TOP1: variants seen among roughly 807,000 people sequenced by gnomAD.
The protein encoded by TOP1 is DNA topoisomerase 1.
Under a neutral mutation model 111.1 loss-of-function variants are expected in TOP1, and 10 were observed. The observed-to-expected ratio is 0.09, with a 90% CI of 0.06 to 0.15. The LOEUF is 0.15. Ranked by LOEUF, TOP1 falls within the 10% of genes least tolerant of loss-of-function variation. The pLI is 1.00. For synonymous variants in TOP1, 271 were observed against 302.9 expected (o/e 0.89, Z 1.10); for missense variants, 474 against 926.7 (o/e 0.51, Z 6.34).
chr20:41,045,475 C>G (rs935020487), intron 2 of TOP1, among the ~76,000 whole-genome samples: 1 of 152,158 alleles, frequency 6.6e-6, no homozygotes, highest in Non-Finnish European at 1.5e-5. Context: ...TATTTGACCC[C>G]TTAGAGCTAA....
chr20:41,072,990 T>TTAC, intron 3 of TOP1: 4 of 985,414 alleles, frequency 4.1e-6, no homozygotes, highest in Non-Finnish European at 4.8e-6. Flanking sequence ...ACAAAGGGGT[T>TTAC]TACTACTCTA....
chr20:41,091,074 A>T (rs768387997), intron 8 of TOP1, among the ~76,000 whole-genome samples: 1 of 152,234 alleles, frequency 6.6e-6, no homozygotes, highest in Non-Finnish European at 1.5e-5. Context: ...TCATTTGACC[A>T]TATATGTTGA....
intron 2 of TOP1, among the ~76,000 whole-genome samples, chr20:41,050,458 C>T (rs1388943991): frequency 6.6e-6 from 1 of 152,172 alleles, no homozygotes; most frequent in African/African-American, 2.4e-5. Flanking sequence ...TTAACTATGC[C>T]CTGGAATTTT....
chr20:41,039,661 C>T (rs2033235498), intron 2 of TOP1, among the ~76,000 whole-genome samples: 1 of 152,112 alleles, frequency 6.6e-6, no homozygotes, highest in Admixed American at 6.5e-5. Context: ...GTAATTCCAC[C>T]ATTTTAGGAG....
chr20:41,075,621 C>T (rs535977074), intron 3 of TOP1, among the ~76,000 whole-genome samples: 1 of 152,286 alleles, frequency 6.6e-6, no homozygotes, highest in Admixed American at 6.5e-5. Flanking sequence ...CATTCCTATG[C>T]CCTTGCTTTC....
intron 3 of TOP1, chr20:41,072,603 T>C: frequency 1.0e-6 from 1 of 985,398 alleles, no homozygotes; most frequent in Non-Finnish European, 1.2e-6. Context: ...GGCACATTCC[T>C]AGGAAAGATT....
At chr20:41,035,104 C>T (rs2033168254) in intron 2 of TOP1, among the ~76,000 whole-genome samples, 1 of 152,074 alleles carries the variant, frequency 6.6e-6, no homozygotes, top group African/African-American at 2.4e-5. Context: ...GTTGCCCAGG[C>T]TGGTCTTGAA....
rs1485826686 is a variant in TOP1, at chr20:41,029,065, G to C, written c.-3G>C. 3 of 1,545,832 alleles carry C rather than the reference G, an allele frequency of 1.9e-6. No individual in the cohort carries two copies. The highest frequency in any genetic ancestry group is 2.6e-6 in the Non-Finnish European group (3 of 1,149,844). ...GCCGCCGCGCTCGTCCCTCCGGGCC[G>C]ACATGAGTGGGGACCACCTCCACAA... On this transcript the variant is annotated 5_prime_UTR_variant, in exon 1 of 21. Transcript: ENST00000361337. This position sits in a 1 kb window ranked among gnomAD's most constrained non-coding sequence, Gnocchi z 6.1.
chr20:41,039,667 A>C (rs1294846788), intron 2 of TOP1, among the ~76,000 whole-genome samples: 4 of 152,102 alleles, frequency 2.6e-5, no homozygotes, highest in Non-Finnish European at 4.4e-5. Flanking sequence ...CCACCATTTT[A>C]GGAGGCCGAG....
At chr20:41,039,204 C>T (rs2033228271) in intron 2 of TOP1, among the ~76,000 whole-genome samples, 1 of 152,180 alleles carries the variant, frequency 6.6e-6, no homozygotes, top group Admixed American at 6.5e-5. Flanking sequence ...ACCCACATGC[C>T]TATCAGGATG....
chr20:41,080,144 A>T lies in TOP1; in HGVS notation c.395A>T (p.Asp132Val). 1 of 1,610,682 alleles carries T rather than the reference A, an allele frequency of 6.2e-7. No individual in the cohort carries two copies. Among genetic ancestry groups the T allele is most frequent in the Non-Finnish European group, 8.5e-7 (1 of 1,178,428 alleles). The change falls in exon 6 of 21, where the codon GAT becomes GTT. Residue 132 changes from aspartate to valine, a missense_variant. Physicochemically the swap from Asp to Val is radical, Grantham distance 152. This residue lies in a region of TOP1 where 185 missense variants were observed against 226.3 expected (regional missense o/e 0.82). Coordinates refer to ENST00000361337, the MANE Select transcript of TOP1 (RefSeq NM_003286.4). This position sits in a 1 kb window ranked among gnomAD's most constrained non-coding sequence, Gnocchi z 5.0. ...DDGYFVPPKE[D>V]IKPLKRPRDE... ...GGCTATTTTGTTCCTCCTAAAGAGG[A>T]TATAAAGCCATTAAAGAGACCTCGA... is the stretch of plus-strand genomic sequence containing the variant.
At position 41,100,181 on chromosome 20, in the gene TOP1, C is replaced by T. The variant is rs755415090; in HGVS notation, c.1101C>T (p.His367=). The stretch of plus-strand genomic sequence containing the variant: ...GACTTTTCCGTGGCCGCGGCAACCA[C>T]CCCAAGATGGGCATGCTGAAGAGAC... The part of the protein sequence containing the change: ...PPGLFRGRGN[H]PKMGMLKRRI... Residue 367 remains histidine, a synonymous_variant, in exon 12 of 21, where the codon CAC becomes CAT. Coordinates refer to ENST00000361337, the MANE Select transcript of TOP1 (RefSeq NM_003286.4). The surrounding 1 kb of genome is among the most constrained non-coding windows in gnomAD (Gnocchi z 4.4). The T allele has an allele frequency of 2.2e-5, 36 of 1,613,898 alleles. No individual in the cohort carries two copies. Among genetic ancestry groups the T allele is most frequent in the Non-Finnish European group, 2.8e-5 (33 of 1,179,940 alleles).
Position 41,121,816 on chromosome 20 carries a change from G to C in TOP1, c.2045+26G>C, listed in dbSNP as rs752589101. The C allele has an allele frequency of 1.2e-6, 2 of 1,607,438 alleles. No homozygotes were observed. Among genetic ancestry groups the C allele is most frequent in the Middle Eastern group, 1.7e-4 (1 of 6,048 alleles). ...GTATGTACCTGGTATTGTGAAAGTTGGGGCTGGTAGAGAAAAGTGTGCAGC... is the reference window on the plus strand; with the variant it reads ...GTATGTACCTGGTATTGTGAAAGTTCGGGCTGGTAGAGAAAAGTGTGCAGC... On this transcript the variant is annotated intron_variant, in intron 19 of 20. Coordinates refer to ENST00000361337, the MANE Select transcript of TOP1 (RefSeq NM_003286.4). The surrounding 1 kb of genome is among the most constrained non-coding windows in gnomAD (Gnocchi z 4.2).
In TOP1 at chr20:41,084,448, A is replaced by G. The variant is rs2033824130; in HGVS notation, c.508-14A>G. On this transcript the variant is annotated splice_polypyrimidine_tract_variant and intron_variant, in intron 7 of 20. Transcript: ENST00000361337. ...GTCTTTATTTAAGTGCTTTCTCACC[A>G]TGTTTCTTTGTAGGATGGTAAATTG... The G allele has an allele frequency of 1.3e-6, 2 of 1,495,230 alleles. No homozygotes were observed. Among genetic ancestry groups the G allele is most frequent in the Admixed American group, 2.1e-5 (1 of 47,106 alleles). The allele number at this position is 1,495,230 out of a possible 1,614,324, so 92.6% of individuals were successfully genotyped here.
At chr20:41,119,329 T>C (rs1221104197) in intron 18 of TOP1, among the ~76,000 whole-genome samples, 2 of 152,196 alleles carry the variant, frequency 1.3e-5, no homozygotes, top group African/African-American at 2.4e-5. Context: ...AAATTTCAGC[T>C]AGAAGCTGGG....
At chr20:41,073,148 C>T in intron 3 of TOP1, 1 of 985,236 alleles carries the variant, frequency 1.0e-6, no homozygotes, top group Non-Finnish European at 1.2e-6. Context: ...TGATAATGTA[C>T]AGCAAAGCTG....
chr20:41,075,562 G>A (rs769597995), intron 3 of TOP1, among the ~76,000 whole-genome samples: 2 of 152,330 alleles, frequency 1.3e-5, no homozygotes, highest in East Asian at 3.9e-4. Flanking sequence ...CATTTTCATG[G>A]CTCTTGCCTT....
At chr20:41,039,212 A>T (rs1013343976) in intron 2 of TOP1, among the ~76,000 whole-genome samples, 1 of 152,224 alleles carries the variant, frequency 6.6e-6, no homozygotes, top group Non-Finnish European at 1.5e-5. Flanking sequence ...GCCTATCAGG[A>T]TGAACTTTGA....
chr20:41,088,225 G>A (rs1449835406), intron 8 of TOP1, among the ~76,000 whole-genome samples: 4 of 152,200 alleles, frequency 2.6e-5, no homozygotes, highest in Non-Finnish European at 5.9e-5. Flanking sequence ...AGGGCCGGGC[G>A]TGGTGGCTCA....
Sources: allele counts gnomAD v4.1 joint callset (sites outside exome capture counted in the v4.1 genomes callset), GRCh38; gene constraint gnomAD v4.1.1; regional missense constraint gnomAD v4.1.1; non-coding constraint Gnocchi (gnomAD v3.1); transcripts MANE v1.5; gene names NCBI Gene and HGNC (gene_info 2026-07-23, HGNC 2026-07-21).